Variants in DCDC1 observed in about 807,000 individuals in gnomAD.
DCDC1 encodes doublecortin domain containing 1, also known as doublecortin domain-containing protein 1.
A neutral mutation model predicts 178.3 loss-of-function variants in DCDC1; 200 were observed. The ratio of observed to expected loss-of-function variants is 1.12; its 90% CI spans 1.00 to 1.26. The LOEUF (loss-of-function observed/expected upper bound fraction) is 1.26. Among genes scored for constraint, DCDC1 ranks in the 50% most tolerant of loss-of-function variants. The pLI is 0.00. For missense variants in DCDC1, 1,983 were observed against 1,749.2 expected (o/e 1.13, Z -2.38); for synonymous variants, 690 against 604.8 (o/e 1.14, Z -2.07).
chr11:31,248,456 G>C (rs960154305), intron 8 of DCDC1, among the ~76,000 whole-genome samples: 3 of 151,960 alleles, frequency 2.0e-5, no homozygotes, highest in Non-Finnish European at 4.4e-5. Flanking sequence ...CAAGTCTAAA[G>C]ATGTAGTTAA....
intron 20 of DCDC1, among the ~76,000 whole-genome samples, chr11:31,007,983 A>G (rs1951953248): frequency 6.6e-6 from 1 of 152,060 alleles, no homozygotes; most frequent in Non-Finnish European, 1.5e-5. Flanking sequence ...GGCTTTTAAT[A>G]TGACAGTAGA....
chr11:31,057,383 T>C (rs1055606181), intron 20 of DCDC1, among the ~76,000 whole-genome samples: 1 of 152,120 alleles, frequency 6.6e-6, no homozygotes, highest in African/African-American at 2.4e-5. Flanking sequence ...TTCCAACCAC[T>C]GTGAAATTAA....
intron 9 of DCDC1, among the ~76,000 whole-genome samples, chr11:31,193,174 T>C (rs542549802): frequency 6.6e-6 from 1 of 152,174 alleles, no homozygotes; most frequent in Non-Finnish European, 1.5e-5. Flanking sequence ...AGATGGCATA[T>C]CATGAGACTT....
chr11:30,883,452 T>A (rs749324086), intron 36 of DCDC1: 2 of 459,400 alleles, frequency 4.4e-6, no homozygotes, highest in East Asian at 1.4e-4. Flanking sequence ...TAAGCAGTTA[T>A]CAAAAAATAG....
chr11:30,875,981 C>T (rs770526215), intron 38 of DCDC1, among the ~76,000 whole-genome samples: 1 of 152,138 alleles, frequency 6.6e-6, no homozygotes, highest in Non-Finnish European at 1.5e-5. Flanking sequence ...AGAAACATTG[C>T]AACTTTACCC....
At chr11:31,187,371 C>A (rs1488095786) in intron 9 of DCDC1, among the ~76,000 whole-genome samples, 1 of 151,880 alleles carries the variant, frequency 6.6e-6, no homozygotes, top group Non-Finnish European at 1.5e-5. Context: ...CAGCTGCTCT[C>A]AAAAAAATAA....
chr11:31,215,188 G>A (rs965314399), intron 9 of DCDC1: 5 of 253,484 alleles, frequency 2.0e-5, no homozygotes, highest in African/African-American at 6.9e-5. Flanking sequence ...TCAGCAACTC[G>A]GAAGGCTGAG....
At chr11:31,216,644 G>C (rs990595416) in intron 9 of DCDC1, among the ~76,000 whole-genome samples, 1 of 152,182 alleles carries the variant, frequency 6.6e-6, no homozygotes, top group Non-Finnish European at 1.5e-5. Flanking sequence ...CAAGGCAGGT[G>C]CTTCATAGTT....
intron 10 of DCDC1, among the ~76,000 whole-genome samples, chr11:31,137,360 T>TG (rs1379500859): frequency 2.6e-5 from 4 of 151,368 alleles, no homozygotes; most frequent in Non-Finnish European, 5.9e-5. Flanking sequence ...TGCAGGTTTT[T>TG]TTTTTTTTTT....
chr11:31,115,123 A>C (rs1416337059), intron 11 of DCDC1, among the ~76,000 whole-genome samples: 4 of 152,184 alleles, frequency 2.6e-5, no homozygotes, highest in African/African-American at 9.7e-5. Context: ...AGTACTAAAA[A>C]CATTTTATTG....
chr11:31,174,142 C>T (rs1967651544), intron 9 of DCDC1, among the ~76,000 whole-genome samples: 1 of 151,840 alleles, frequency 6.6e-6, no homozygotes, highest in South Asian at 2.1e-4. Flanking sequence ...GAGCCCCACC[C>T]TCCCAGGTGC....
At chr11:31,355,016 C>T (rs1371434455) in intron 1 of DCDC1, among the ~76,000 whole-genome samples, 1 of 151,754 alleles carries the variant, frequency 6.6e-6, no homozygotes, top group Non-Finnish European at 1.5e-5. Flanking sequence ...AGTGCAACAC[C>T]ACTGTAAATA....
At chr11:31,273,659 T>C (rs1390043451) in intron 7 of DCDC1, among the ~76,000 whole-genome samples, 2 of 152,190 alleles carry the variant, frequency 1.3e-5, no homozygotes, top group African/African-American at 4.8e-5. Context: ...CCTCTAACTG[T>C]TACTCAGTTC....
intron 20 of DCDC1, among the ~76,000 whole-genome samples, chr11:31,005,952 GAAAAAA>G (rs35225668): frequency 4.2e-5 from 2 of 47,814 alleles, no homozygotes; most frequent in Non-Finnish European, 8.2e-5. Context: ...TCTTATTCCT[GAAAAAA>G]AAAAAAAAAA....
At chr11:31,139,508 G>A (rs1963565607) in intron 9 of DCDC1, among the ~76,000 whole-genome samples, 2 of 152,078 alleles carry the variant, frequency 1.3e-5, no homozygotes. Context: ...GTGTAGAAGA[G>A]AGGGACTGGA....
chr11:31,224,997 TC>T (rs981477139), intron 9 of DCDC1, among the ~76,000 whole-genome samples: 1 of 152,050 alleles, frequency 6.6e-6, no homozygotes, highest in African/African-American at 2.4e-5. Context: ...TATCCAGCAA[TC>T]CCACTACTAG....
chr11:31,004,411 C>T (rs290096), intron 20 of DCDC1, among the ~76,000 whole-genome samples: 2,034 of 151,554 alleles, frequency 0.013, 50 homozygotes, highest in African/African-American at 0.048. Flanking sequence ...AGGAGATGCA[C>T]GTCTATAATC....
chr11:30,904,243 T>C (rs1590302896), intron 31 of DCDC1: 1 of 152,382 alleles, frequency 6.6e-6, no homozygotes, highest in South Asian at 2.1e-4. Flanking sequence ...TGAGTAACAA[T>C]ACCTTAATTT....
At chr11:30,980,450 A>G (rs758797960) in intron 20 of DCDC1, among the ~76,000 whole-genome samples, 1 of 152,192 alleles carries the variant, frequency 6.6e-6, no homozygotes, top group Non-Finnish European at 1.5e-5. Context: ...TCATGCTACT[A>G]GTGTACAACT....
Sources: gnomAD v4.1 joint callset for allele counts (sites outside exome capture counted in the v4.1 genomes callset) on GRCh38, gnomAD v4.1.1 for gene constraint, MANE v1.5 for transcripts, NCBI Gene and HGNC (gene_info 2026-07-23, HGNC 2026-07-21) for gene names.